Variants in DOK6 observed in about 807,000 individuals in gnomAD.
DOK6 encodes the protein docking protein 6.
In DOK6, 22 loss-of-function variants were observed where a neutral mutation model predicts 44.0. The ratio of observed to expected loss-of-function variants is 0.50; its 90% CI spans 0.36 to 0.71. The LOEUF (loss-of-function observed/expected upper bound fraction) is 0.71. Among genes scored for constraint, DOK6 ranks in the 30% least tolerant of loss-of-function variants. The pLI is 0.00. For missense variants in DOK6, 340 were observed against 416.4 expected (o/e 0.82, Z 1.60); for synonymous variants, 166 against 145.5 (o/e 1.14, Z -1.01).
At chr18:69,485,099 T>G (rs1282572381) in intron 1 of DOK6, among the ~76,000 whole-genome samples, 1 of 152,012 alleles carries the variant, frequency 6.6e-6, no homozygotes, top group Non-Finnish European at 1.5e-5. Context: ...CCACTAATAG[T>G]GAGGGTCACT....
At chr18:69,428,440 C>G (rs1029913494) in intron 1 of DOK6, among the ~76,000 whole-genome samples, 1 of 151,770 alleles carries the variant, frequency 6.6e-6, no homozygotes, top group Non-Finnish European at 1.5e-5. Context: ...CTACAATTGC[C>G]CTTTCAAGAA....
At chr18:69,598,866 A>G (rs776160654) in intron 2 of DOK6, among the ~76,000 whole-genome samples, 3 of 152,096 alleles carry the variant, frequency 2.0e-5, no homozygotes, top group Non-Finnish European at 4.4e-5. Context: ...TGTGAACACT[A>G]TGAGCATTTT....
intron 1 of DOK6, among the ~76,000 whole-genome samples, chr18:69,555,444 T>C (rs117290175): frequency 6.6e-6 from 1 of 152,322 alleles, no homozygotes; most frequent in Non-Finnish European, 1.5e-5. Context: ...AAAAGGTCAA[T>C]TTTCACTTTG....
intron 2 of DOK6, among the ~76,000 whole-genome samples, chr18:69,565,517 GTGTGTATATATA>G (rs1412254815): frequency 5.7e-3 from 44 of 7,680 alleles, no homozygotes; most frequent in East Asian, 0.042. Flanking sequence ...GTGTGTGTGT[GTGTGTATATATA>G]TATACATAAT....
chr18:69,456,861 T>C (rs1172672057), intron 1 of DOK6, among the ~76,000 whole-genome samples: 3 of 152,216 alleles, frequency 2.0e-5, no homozygotes, highest in Admixed American at 2.0e-4. Flanking sequence ...TGTGAAATGG[T>C]ATCTCACTGT....
At chr18:69,493,744 C>G (rs889970285) in intron 1 of DOK6, among the ~76,000 whole-genome samples, 13 of 152,064 alleles carry the variant, frequency 8.5e-5, no homozygotes, top group Admixed American at 6.6e-4. Context: ...TAGAAAATTA[C>G]AAGCAACAAA....
intron 7 of DOK6, among the ~76,000 whole-genome samples, chr18:69,813,969 C>T (rs567687492): frequency 3.9e-5 from 6 of 152,150 alleles, no homozygotes; most frequent in African/African-American, 1.2e-4. Context: ...AAGCAATATA[C>T]ATACATGTTA....
chr18:69,651,913 C>T (rs895848991), intron 3 of DOK6, among the ~76,000 whole-genome samples: 14 of 148,584 alleles, frequency 9.4e-5, no homozygotes, highest in African/African-American at 2.4e-4. Context: ...AGAATCCTTT[C>T]GATACAAAAT....
At chr18:69,587,525 C>T (rs533537594) in intron 2 of DOK6, among the ~76,000 whole-genome samples, 2 of 152,202 alleles carry the variant, frequency 1.3e-5, no homozygotes, top group South Asian at 2.1e-4. Context: ...AGGGCACATA[C>T]GCAGGTTCTA....
At chr18:69,659,922 CAT>C (rs1474403742) in intron 3 of DOK6, 7 of 82,374 alleles carry the variant, frequency 8.5e-5, no homozygotes, top group African/African-American at 2.5e-4. Context: ...ATATATATAA[CAT>C]ATATGTATGT....
intron 3 of DOK6, among the ~76,000 whole-genome samples, chr18:69,620,117 T>C (rs776364798): frequency 6.6e-6 from 1 of 152,162 alleles, no homozygotes; most frequent in Non-Finnish European, 1.5e-5. Flanking sequence ...TTTAATACAA[T>C]TATATCAATC....
chr18:69,639,128 A>G (rs1001682697), intron 3 of DOK6, among the ~76,000 whole-genome samples: 1 of 152,246 alleles, frequency 6.6e-6, no homozygotes, highest in Admixed American at 6.5e-5. Flanking sequence ...TAAAAGAGGC[A>G]TAATAGCAGA....
At chr18:69,657,234 A>ATGCC (rs1210980239) in intron 3 of DOK6, among the ~76,000 whole-genome samples, 2 of 152,208 alleles carry the variant, frequency 1.3e-5, no homozygotes, top group African/African-American at 4.8e-5. Context: ...ATTGTTCCTC[A>ATGCC]TGCCTGCCTG....
chr18:69,634,576 G>C (rs1263209448), intron 3 of DOK6, among the ~76,000 whole-genome samples: 1 of 152,126 alleles, frequency 6.6e-6, no homozygotes, highest in East Asian at 1.9e-4. Flanking sequence ...TGTGTAAGGA[G>C]AGGAGGAAAT....
In DOK6 at chr18:69,646,432, A is replaced by T. The variant is rs185724564; in HGVS notation, c.290-31302A>T. ...TGATTTCTGGTTATTTTAGGGAAAA[A>T]AATTACCAGTTATTATGTATTCTCT... On this transcript the variant is annotated intron_variant, in intron 3 of 7. Transcript: ENST00000382713. 2.3e-4 allele frequency among the ~76,000 whole-genome samples: 35 copies of T among 152,292 alleles called. No individual in the cohort carries two copies. In the East Asian group the frequency reaches 3.7e-3, roughly 16 times the overall value.
At chr18:69,656,062 T>A (rs1272270576) in intron 3 of DOK6, among the ~76,000 whole-genome samples, 1 of 151,954 alleles carries the variant, frequency 6.6e-6, no homozygotes, top group Non-Finnish European at 1.5e-5. Context: ...ATGGTTTATA[T>A]GTAAAATTAA....
At chr18:69,508,819 A>G (rs746056589) in intron 1 of DOK6, among the ~76,000 whole-genome samples, 1 of 152,214 alleles carries the variant, frequency 6.6e-6, no homozygotes, top group African/African-American at 2.4e-5. Flanking sequence ...AGATCCAGAT[A>G]TGGTTAGGAA....
At chr18:69,533,237 C>A (rs1020258950) in intron 1 of DOK6, among the ~76,000 whole-genome samples, 1 of 147,306 alleles carries the variant, frequency 6.8e-6, no homozygotes, top group Admixed American at 6.8e-5. Flanking sequence ...AAGCTGAATT[C>A]ATGTATAGTA....
At chr18:69,811,524 TTATATATATATATATA>T (rs57486782) in intron 7 of DOK6, among the ~76,000 whole-genome samples, 53 of 93,748 alleles carry the variant, frequency 5.7e-4, no homozygotes, top group East Asian at 1.9e-3. Flanking sequence ...AACCATTCCA[TTATATATATATATATA>T]TATATATATA....
Sources: gnomAD v4.1 joint callset for allele counts (sites outside exome capture counted in the v4.1 genomes callset) on GRCh38, gnomAD v4.1.1 for gene constraint, MANE v1.5 for transcripts, NCBI Gene and HGNC (gene_info 2026-07-23, HGNC 2026-07-21) for gene names.